The following NRXN3 variants were observed in gnomAD, a reference collection of about 807,000 sequenced individuals.
NRXN3 encodes neurexin 3, also known as neurexin III.
In NRXN3, 32 loss-of-function variants were observed where a neutral mutation model predicts 137.6. That is an observed-to-expected ratio of 0.23 (90% CI 0.18 to 0.31). The LOEUF is 0.31. NRXN3 is among the 10% of genes least tolerant of loss of function. The pLI is 1.00. For synonymous variants in NRXN3, 798 were observed against 784.5 expected, an observed-to-expected ratio of 1.02 and a Z score of -0.29; for missense variants, 1,574 against 2,062.5, an observed-to-expected ratio of 0.76 and a Z score of 4.59.
chr14:79,327,426 A>G (rs1453583479), intron 15 of NRXN3, among the ~76,000 whole-genome samples: 1 of 152,070 alleles, frequency 6.6e-6, no homozygotes, highest in Non-Finnish European at 1.5e-5. Flanking sequence ...CCTTACTAAC[A>G]CCATCTACAT....
At chr14:79,181,393 T>C (rs1054287207) in intron 15 of NRXN3, among the ~76,000 whole-genome samples, 1 of 152,008 alleles carries the variant, frequency 6.6e-6, no homozygotes, top group Non-Finnish European at 1.5e-5. Flanking sequence ...GAGCTTATGA[T>C]GACATGTGGC....
At chr14:79,037,886 G>A (rs2099618756) in intron 15 of NRXN3, among the ~76,000 whole-genome samples, 2 of 152,070 alleles carry the variant, frequency 1.3e-5, no homozygotes, top group African/African-American at 4.8e-5. Context: ...TACGGGCTGT[G>A]GTGACAGGCC....
intron 4 of NRXN3, among the ~76,000 whole-genome samples, chr14:78,324,253 G>T (rs1301587176): frequency 6.6e-6 from 1 of 152,060 alleles, no homozygotes; most frequent in East Asian, 1.9e-4. Context: ...GACATGGAAG[G>T]ACTGTGCACA....
chr14:79,771,536 C>T (rs2139798122), intron 19 of NRXN3, among the ~76,000 whole-genome samples: 1 of 151,288 alleles, frequency 6.6e-6, no homozygotes, highest in East Asian at 1.9e-4. Flanking sequence ...ACATGATTAT[C>T]TCAATAGATG....
chr14:79,643,761 T>C (rs2098442706), intron 16 of NRXN3, among the ~76,000 whole-genome samples: 1 of 135,714 alleles, frequency 7.4e-6, no homozygotes, highest in African/African-American at 2.5e-5. Flanking sequence ...CCTACATTTG[T>C]TGAAATCCTA....
intron 4 of NRXN3, among the ~76,000 whole-genome samples, chr14:78,454,090 A>G (rs1204580374): frequency 1.3e-5 from 2 of 152,216 alleles, no homozygotes; most frequent in Non-Finnish European, 2.9e-5. Context: ...TAAATATTAG[A>G]TGAGAGTCTA....
At chr14:79,146,845 C>A (rs576349589) in intron 15 of NRXN3, among the ~76,000 whole-genome samples, 31 of 152,266 alleles carry the variant, frequency 2.0e-4, no homozygotes, top group African/African-American at 7.2e-4. Flanking sequence ...CCCTTATGAA[C>A]TCTGGGGGAG....
intron 16 of NRXN3, among the ~76,000 whole-genome samples, chr14:79,606,822 C>T (rs1389063476): frequency 6.6e-6 from 1 of 152,166 alleles, no homozygotes; most frequent in East Asian, 1.9e-4. Context: ...GTTCTAGGCA[C>T]AGCGTGGCAG....
At chr14:79,459,910 C>T (rs1240485252) in intron 15 of NRXN3, among the ~76,000 whole-genome samples, 5 of 152,116 alleles carry the variant, frequency 3.3e-5, no homozygotes, top group Admixed American at 6.5e-5. Context: ...TCAATTTTAG[C>T]GTCTACAGCA....
chr14:79,124,348 A>G (rs1169241524), intron 15 of NRXN3, among the ~76,000 whole-genome samples: 1 of 152,182 alleles, frequency 6.6e-6, no homozygotes, highest in Non-Finnish European at 1.5e-5. Flanking sequence ...CTCAGAGACA[A>G]TATGTTGCCC....
At chr14:79,805,043 A>G in intron 19 of NRXN3, 69 bp from the exon 20 acceptor site, 4 of 1,081,124 alleles carry the variant, frequency 3.7e-6, no homozygotes, top group Non-Finnish European at 4.2e-6. Flanking sequence ...GTCTTTGTTC[A>G]TTAGTTTCCT....
intron 15 of NRXN3, among the ~76,000 whole-genome samples, chr14:79,195,082 T>C (rs1160143605): frequency 6.6e-6 from 1 of 152,176 alleles, no homozygotes; most frequent in Non-Finnish European, 1.5e-5. Context: ...TCCTTCATTT[T>C]CCTGCCTGAG....
chr14:79,781,083 T>C (rs984407456), intron 19 of NRXN3, among the ~76,000 whole-genome samples: 3 of 152,120 alleles, frequency 2.0e-5, no homozygotes, highest in African/African-American at 4.8e-5. Flanking sequence ...TAAAACTACA[T>C]AGAAGTCTAC....
intron 15 of NRXN3, among the ~76,000 whole-genome samples, chr14:79,286,484 T>C (rs1176314035): frequency 6.6e-6 from 1 of 150,386 alleles, no homozygotes; most frequent in African/African-American, 2.4e-5. Context: ...ATGAGGTAAA[T>C]TGTCTACTTC....
chr14:79,073,911 G>A (rs8013799), intron 15 of NRXN3, among the ~76,000 whole-genome samples: 6,614 of 152,162 alleles, frequency 0.043, 521 homozygotes, highest in African/African-American at 0.15. Flanking sequence ...ACCTCTCTGT[G>A]CCTAGTAACC....
rs1401474158 is a variant in NRXN3 at position 78,738,666 on chromosome 14, G to GA, written c.2044+23530dup. On this transcript the variant is annotated intron_variant, in intron 8 of 20. Transcript: ENST00000335750. ...AAGCTGAAAAGACACAGGGCAAAAA[G>GA]AAATATTCCCCACCCCATTCTTTTT... Among the ~76,000 whole-genome samples the GA allele has an allele frequency of 2.0e-5, 3 of 152,298 alleles. No homozygotes were observed. In the East Asian group the frequency reaches 5.8e-4, roughly 29 times the overall value.
At chr14:79,759,719 A>C (rs2139371295) in intron 19 of NRXN3, among the ~76,000 whole-genome samples, 1 of 151,860 alleles carries the variant, frequency 6.6e-6, no homozygotes, top group South Asian at 2.1e-4. Context: ...TTGGTAATAA[A>C]GTTATCATAA....
intron 8 of NRXN3, among the ~76,000 whole-genome samples, chr14:78,764,950 T>C (rs528546761): frequency 6.6e-6 from 1 of 152,316 alleles, no homozygotes; most frequent in South Asian, 2.1e-4. Flanking sequence ...AAACAATTCA[T>C]AAATCTTATG....
chr14:79,422,782 C>T (rs7155294), intron 15 of NRXN3, among the ~76,000 whole-genome samples: 2 of 151,134 alleles, frequency 1.3e-5, no homozygotes, highest in Admixed American at 1.3e-4. Flanking sequence ...TCACTGCAAC[C>T]TCCGCCTCCC....
Sources: gnomAD v4.1 joint callset for allele counts (sites outside exome capture counted in the v4.1 genomes callset) on GRCh38, gnomAD v4.1.1 for gene constraint, MANE v1.5 for transcripts, NCBI Gene and HGNC (gene_info 2026-07-23, HGNC 2026-07-21) for gene names.